Variants in LRRIQ3 observed in about 807,000 individuals in gnomAD.
LRRIQ3 encodes the protein leucine-rich repeat and IQ domain-containing protein 3.
In LRRIQ3, 75 loss-of-function variants were observed where a neutral mutation model predicts 59.3. The observed-to-expected ratio is 1.26, with a 90% CI of 1.05 to 1.53. The LOEUF (loss-of-function observed/expected upper bound fraction) is 1.53, where lower values mean the gene tolerates loss of function less well. LRRIQ3 is among the 40% of genes most tolerant of loss of function. The probability of loss-of-function intolerance (pLI) is 0.00; values close to 1 mark genes in which losing one functional copy is unlikely to be tolerated. For missense variants in LRRIQ3, 831 were observed against 710.0 expected, an observed-to-expected ratio of 1.17 and a Z score of -1.94; for synonymous variants, 250 against 231.3, an observed-to-expected ratio of 1.08 and a Z score of -0.73.
intron 5 of LRRIQ3, among the ~76,000 whole-genome samples, chr1:74,076,492 TAAG>T (rs1240228195): frequency 2.6e-5 from 4 of 152,116 alleles, no homozygotes; most frequent in Admixed American, 6.6e-5. Flanking sequence ...CACATTCATT[TAAG>T]AAGAAGAAAG....
intron 4 of LRRIQ3, among the ~76,000 whole-genome samples, chr1:74,133,021 A>G (rs1046845938): frequency 2.0e-5 from 3 of 152,194 alleles, no homozygotes; most frequent in African/African-American, 7.2e-5. Context: ...TTTACAAGAA[A>G]AAAACAAACA....
rs199536965 is a variant in LRRIQ3, at chr1:74,155,761, G to T, written c.679C>A (p.Arg227Ser). 3.8e-6 allele frequency: 6 copies of T among 1,574,580 alleles called. No individual in the cohort carries two copies. Among genetic ancestry groups the T allele is most frequent in the Non-Finnish European group, 5.1e-6 (6 of 1,167,034 alleles). ...SPVLIVQRWI[R>S]GFLVRKNLSP... Reference sequence around the variant, plus strand: ...AAATTTTTTCTAACTAAGAAACCACGTATCCATCTTTGAACAATCAAAACT... The same window carrying T: ...AAATTTTTTCTAACTAAGAAACCACTTATCCATCTTTGAACAATCAAAACT... Residue 227 changes from arginine to serine, a missense_variant, in exon 4 of 8, where the codon CGT becomes AGT. Arg to Ser is a moderately radical substitution (Grantham distance 110). Coordinates refer to ENST00000354431, the MANE Select transcript of LRRIQ3 (RefSeq NM_001105659.2).
Position 74,084,030 on chromosome 1 carries a change from T to C in LRRIQ3, c.868-9240A>G, listed in dbSNP as rs540182319. 1.4e-4 allele frequency: 85 copies of C among 605,018 alleles called. No individual in the cohort carries two copies. In the African/African-American group the frequency reaches 1.5e-3, roughly 11 times the overall value. 37.5% of individuals were successfully genotyped at this position (605,018 alleles called of 1,614,324 possible). A position where few individuals can be genotyped will look rare whatever the true frequency, so the allele number is the denominator to read the frequency against. Reference sequence around the variant, plus strand: ...ATGCTAGCTTGAGTGAATTACTAAGTGTATTTCTCTTTTCAACTTTACACT... The same window carrying C: ...ATGCTAGCTTGAGTGAATTACTAAGCGTATTTCTCTTTTCAACTTTACACT... On this transcript the variant is annotated intron_variant, in intron 5 of 7. Transcript: ENST00000354431.
chr1:74,094,221 C>T (rs1225454562), intron 5 of LRRIQ3, among the ~76,000 whole-genome samples: 1 of 152,000 alleles, frequency 6.6e-6, no homozygotes, highest in Non-Finnish European at 1.5e-5. Flanking sequence ...CAAATATAGC[C>T]ACACAAGTTT....
chr1:74,149,697 CTGTT>C (rs1158298596), intron 4 of LRRIQ3, among the ~76,000 whole-genome samples: 1 of 152,122 alleles, frequency 6.6e-6, no homozygotes, highest in African/African-American at 2.4e-5. Context: ...CCCCTTTACT[CTGTT>C]TGGGTATAAC....
chr1:74,175,642 C>T (rs1248707400), intron 3 of LRRIQ3, among the ~76,000 whole-genome samples: 1 of 152,144 alleles, frequency 6.6e-6, no homozygotes, highest in Non-Finnish European at 1.5e-5. Context: ...AACCTCTCCC[C>T]TGGGTTCTGG....
intron 5 of LRRIQ3, among the ~76,000 whole-genome samples, chr1:74,090,130 T>A (rs1304441817): frequency 6.6e-6 from 1 of 152,010 alleles, no homozygotes; most frequent in Non-Finnish European, 1.5e-5. Context: ...ATAACTAAAA[T>A]GCAGAAAACA....
intron 4 of LRRIQ3, among the ~76,000 whole-genome samples, chr1:74,124,567 G>T (rs1286360088): frequency 5.9e-5 from 9 of 151,712 alleles, no homozygotes; most frequent in African/African-American, 2.2e-4. Context: ...CAATATCATT[G>T]CTCTGACTGC....
chr1:74,057,365 A>G (rs1324000221), intron 6 of LRRIQ3, among the ~76,000 whole-genome samples: 1 of 152,028 alleles, frequency 6.6e-6, no homozygotes, highest in Admixed American at 6.6e-5. Context: ...CGGTATAGTA[A>G]CCAAAGCAGA....
At chr1:74,043,355 T>G (rs6688587) in intron 6 of LRRIQ3, among the ~76,000 whole-genome samples, 151,832 of 152,226 alleles carry the variant, frequency 1, 75,721 homozygotes, top group Non-Finnish European at 1. Flanking sequence ...GGAAGTTAAG[T>G]GAACTATGAA....
intron 5 of LRRIQ3, among the ~76,000 whole-genome samples, chr1:74,076,312 C>T (rs769288882): frequency 4.6e-5 from 7 of 152,122 alleles, no homozygotes; most frequent in East Asian, 1.9e-4. Context: ...ATTTACATAG[C>T]GCTTATCATT....
intron 1 of LRRIQ3, among the ~76,000 whole-genome samples, chr1:74,185,957 C>A (rs1476170094): frequency 3.3e-5 from 5 of 151,728 alleles, no homozygotes; most frequent in South Asian, 4.2e-4. Context: ...AACATGGAAC[C>A]TCAGAGATCT....
intron 4 of LRRIQ3, among the ~76,000 whole-genome samples, chr1:74,149,935 G>T (rs561872759): frequency 6.6e-6 from 1 of 152,298 alleles, no homozygotes; most frequent in East Asian, 1.9e-4. Context: ...TCAGATAAAA[G>T]ACCCTATTTC....
Position 74,041,925 on chromosome 1 carries a change from A to T in LRRIQ3, c.1006T>A (p.Ser336Thr), listed in dbSNP as rs757077107. The part of the protein sequence containing the change: ...SRHLIQKGQE[S>T]EDEIVDEKLD... Reference sequence around the variant, plus strand: ...TTTTCATCCACAATTTCATCTTCAGACTCCTGACCTACATCAAACAGAAGC... The same window carrying T: ...TTTTCATCCACAATTTCATCTTCAGTCTCCTGACCTACATCAAACAGAAGC... Residue 336 changes from serine (S) to threonine (T), a missense_variant, in exon 7 of 8, where the codon TCT (serine) becomes ACT (threonine). Physicochemically the swap from Ser to Thr is moderately conservative, Grantham distance 58 (BLOSUM62 1). Transcript: ENST00000354431. 6.3e-7 allele frequency: 1 copy of T among 1,597,190 alleles called. No individual in the cohort carries two copies. Among genetic ancestry groups the T allele is most frequent in the South Asian group, 1.1e-5 (1 of 89,166 alleles).
chr1:74,109,829 G>A (rs1277299685), intron 4 of LRRIQ3, among the ~76,000 whole-genome samples: 1 of 151,550 alleles, frequency 6.6e-6, no homozygotes, highest in African/African-American at 2.4e-5. Context: ...AATAAATAAT[G>A]GGAAGGAGAA....
intron 7 of LRRIQ3, among the ~76,000 whole-genome samples, chr1:74,033,632 A>G (rs1471562859): frequency 6.6e-6 from 1 of 152,046 alleles, no homozygotes; most frequent in Non-Finnish European, 1.5e-5. Context: ...GTTGGTGTCC[A>G]AAAATGTTGA....
intron 5 of LRRIQ3, among the ~76,000 whole-genome samples, chr1:74,081,547 GA>G (rs943232533): frequency 1.3e-5 from 2 of 151,292 alleles, no homozygotes; most frequent in Non-Finnish European, 3.0e-5. Flanking sequence ...TCAAATTGAG[GA>G]AAAAAACAAT....
intron 6 of LRRIQ3, among the ~76,000 whole-genome samples, chr1:74,061,400 C>T (rs1416533345): frequency 6.6e-6 from 1 of 152,026 alleles, no homozygotes; most frequent in African/African-American, 2.4e-5. Flanking sequence ...AATGTTATTC[C>T]TATCAAATTA....
intron 5 of LRRIQ3, among the ~76,000 whole-genome samples, chr1:74,097,056 C>T (rs559465252): frequency 1.3e-5 from 2 of 152,172 alleles, no homozygotes; most frequent in African/African-American, 4.8e-5. Context: ...GCTGGGAGAA[C>T]CACTACTCTC....
Sources: allele counts gnomAD v4.1 joint callset (sites outside exome capture counted in the v4.1 genomes callset), GRCh38; gene constraint gnomAD v4.1.1; transcripts MANE v1.5; gene names NCBI Gene and HGNC (gene_info 2026-07-23, HGNC 2026-07-21).